HMCN1: variants seen among roughly 807,000 people sequenced by gnomAD.
The protein encoded by HMCN1 is hemicentin-1.
In HMCN1, 321 loss-of-function variants were observed where a neutral mutation model predicts 625.9. The observed-to-expected ratio is 0.51, with a 90% CI of 0.47 to 0.56. The LOEUF (loss-of-function observed/expected upper bound fraction) is 0.56, where lower values mean the gene tolerates loss of function less well. Among genes scored for constraint, HMCN1 ranks in the 20% least tolerant of loss-of-function variants. The pLI is 0.00. For missense variants in HMCN1, 6,588 were observed against 6,887.3 expected (o/e 0.96, Z 1.54); for synonymous variants, 2,425 against 2,417.6 (o/e 1.00, Z -0.09).
At chr1:185,775,855 G>C (rs563558744) in intron 1 of HMCN1, among the ~76,000 whole-genome samples, 5 of 152,280 alleles carry the variant, frequency 3.3e-5, no homozygotes, top group African/African-American at 1.2e-4. Context: ...GTGTTTATTG[G>C]GCTGGGATAG....
chr1:185,816,562 G>A (rs1659857051), intron 1 of HMCN1, among the ~76,000 whole-genome samples: 1 of 152,130 alleles, frequency 6.6e-6, no homozygotes, highest in Non-Finnish European at 1.5e-5. Flanking sequence ...ACGTTTTTAT[G>A]CTAATGTCAG....
intron 84 of HMCN1, 69 bp from the exon 85 acceptor site, chr1:186,130,438 A>C (rs1661869980): frequency 3.4e-6 from 5 of 1,483,992 alleles, no homozygotes; most frequent in Non-Finnish European, 4.7e-6. Context: ...TTTTCCAAAT[A>C]GGTCAAAGAT....
intron 1 of HMCN1, among the ~76,000 whole-genome samples, chr1:185,830,287 A>G (rs1660778374): frequency 6.6e-6 from 1 of 152,046 alleles, no homozygotes; most frequent in African/African-American, 2.4e-5. Flanking sequence ...TTTAGTTGCA[A>G]TTGCTTTTGG....
intron 63 of HMCN1, among the ~76,000 whole-genome samples, chr1:186,089,889 G>A (rs1422868718): frequency 6.6e-6 from 1 of 151,890 alleles, no homozygotes; most frequent in African/African-American, 2.4e-5. Flanking sequence ...AGCTTATTCA[G>A]TGATGTGCTG....
chr1:185,965,867 G>A lies in HMCN1; in HGVS notation c.2164G>A (p.Glu722Lys), dbSNP rs34692227. 738 of 1,611,882 alleles carry A rather than the reference G, an allele frequency of 4.6e-4. 7 individuals are homozygous for A. The highest frequency in any genetic ancestry group is 2.0e-3 in the Middle Eastern group (12 of 6,052). Reference sequence around the variant, plus strand: ...TGCCCTTGGGGATATAACCGTTATGGAATGCAAAACCTCTGGTATTCCTCC... The same window carrying A: ...TGCCCTTGGGGATATAACCGTTATGAAATGCAAAACCTCTGGTATTCCTCC... ...LVALGDITVMECKTSGIPPPQ... is the reference protein window; with the variant it reads ...LVALGDITVMKCKTSGIPPPQ... Residue 722 changes from glutamate (E) to lysine (K), a missense_variant, in exon 14 of 107, where the codon GAA becomes AAA. Physicochemically the swap from Glu to Lys is moderately conservative, Grantham distance 56 (BLOSUM62 1). Transcript: ENST00000271588.
chr1:186,117,654 T>C lies in HMCN1; in HGVS notation c.11848+31T>C, dbSNP rs1198886925. On this transcript the variant is annotated intron_variant, in intron 77 of 106. Coordinates refer to ENST00000271588, the MANE Select transcript of HMCN1 (RefSeq NM_031935.3). ...ACCAAGCTCAGTGATTTCACATCTA[T>C]TGATTGTATTATTTATTGATGCATA... is the stretch of plus-strand genomic sequence containing the variant. 2.5e-6 allele frequency: 4 copies of C among 1,595,986 alleles called. No homozygotes were observed. The South Asian group carries it at 3.3e-5, about 13-fold the overall frequency.
chr1:185,883,429 C>T (rs1356932824), intron 4 of HMCN1, among the ~76,000 whole-genome samples: 2 of 152,030 alleles, frequency 1.3e-5, no homozygotes, highest in Admixed American at 6.5e-5. Flanking sequence ...CCCTGTCATT[C>T]AGGCTGTTGA....
At chr1:185,914,166 T>C (rs2102460206) in intron 6 of HMCN1, among the ~76,000 whole-genome samples, 1 of 152,254 alleles carries the variant, frequency 6.6e-6, no homozygotes, top group South Asian at 2.1e-4. Flanking sequence ...TGCTTCTATA[T>C]GAAATACCAA....
At position 185,965,932 on chromosome 1, in the gene HMCN1, T is replaced by C. The variant is rs748998540; in HGVS notation, c.2212+17T>C. ...GGTTCAAAGGTACATTTCTTCAATATGTTTGTGTCTGGTTCACTTAGTTTT... is the reference window on the plus strand; with the variant it reads ...GGTTCAAAGGTACATTTCTTCAATACGTTTGTGTCTGGTTCACTTAGTTTT... On this transcript the variant is annotated intron_variant, in intron 14 of 106. Coordinates refer to ENST00000271588, the MANE Select transcript of HMCN1 (RefSeq NM_031935.3). 2.3e-6 allele frequency: 3 copies of C among 1,289,776 alleles called. No homozygotes were observed. Among genetic ancestry groups the C allele is most frequent in the Non-Finnish European group, 3.4e-6 (3 of 883,846 alleles). 79.9% of individuals were successfully genotyped at this position (1,289,776 alleles called of 1,614,324 possible).
chr1:185,784,373 C>T (rs1049458983), intron 1 of HMCN1, among the ~76,000 whole-genome samples: 7 of 152,120 alleles, frequency 4.6e-5, no homozygotes, highest in South Asian at 2.1e-4. Context: ...ACCCACTGTC[C>T]GACAAGCCCC....
chr1:185,886,864 A>G (rs1406123763), intron 4 of HMCN1, among the ~76,000 whole-genome samples: 1 of 152,122 alleles, frequency 6.6e-6, no homozygotes, highest in Non-Finnish European at 1.5e-5. Flanking sequence ...TGCCAGTTGA[A>G]TGGTGTCCAA....
In HMCN1 at chr1:185,768,816, G is replaced by T. The variant is rs1239428287; in HGVS notation, c.268+33769G>T. On this transcript the variant is annotated intron_variant, in intron 1 of 106. Transcript: ENST00000271588. Reference sequence around the variant, plus strand: ...AATTGTATTAATAATAATAATAAAAGAATGGGCCTGGAATCAGAAGACATG... The same window carrying T: ...AATTGTATTAATAATAATAATAAAATAATGGGCCTGGAATCAGAAGACATG... Among the ~76,000 whole-genome samples the T allele has an allele frequency of 2.0e-5, 3 of 152,206 alleles. No homozygotes were observed. The East Asian group carries it at 5.8e-4, about 29-fold the overall frequency.
chr1:185,860,568 C>G (rs142255592), intron 2 of HMCN1, among the ~76,000 whole-genome samples: 1 of 152,116 alleles, frequency 6.6e-6, no homozygotes, highest in Non-Finnish European at 1.5e-5. Context: ...CCTCAGCCCC[C>G]CAAGTAGCTG....
chr1:185,978,543 G>A lies in HMCN1; in HGVS notation c.2566+562G>A, dbSNP rs193277314. On this transcript the variant is annotated intron_variant, in intron 16 of 106. Transcript: ENST00000271588. ...CTTCTATTTTTTCAAATAATGCTAA[G>A]AATAATTGCATGGTGTTACCAGAGG... Among the ~76,000 whole-genome samples, 225 of 152,184 alleles carry A rather than the reference G, an allele frequency of 1.5e-3. 1 individual carries two copies. Among genetic ancestry groups the A allele is most frequent in the Middle Eastern group, 3.4e-3 (1 of 294 alleles).
At chr1:185,803,204 G>GAAAAAAAAAAAAAAAAAAAAAAAAAA (rs1557981375) in intron 1 of HMCN1, among the ~76,000 whole-genome samples, 7 of 23,710 alleles carry the variant, frequency 3.0e-4, no homozygotes, top group East Asian at 2.5e-3. Context: ...AAAAAAAAAA[G>GAAAAAAAAAAAAAAAAAAAAAAAAAA]CAAAAAAAAA....
intron 4 of HMCN1, among the ~76,000 whole-genome samples, chr1:185,881,735 T>C (rs77316413): frequency 6.6e-6 from 1 of 152,356 alleles, no homozygotes; most frequent in East Asian, 1.9e-4. Context: ...CATATGAATT[T>C]AGACAAAGTC....
intron 11 of HMCN1, among the ~76,000 whole-genome samples, chr1:185,943,484 T>C (rs896117110): frequency 6.6e-6 from 1 of 152,132 alleles, no homozygotes; most frequent in African/African-American, 2.4e-5. Flanking sequence ...TGTTGAGTGG[T>C]ATTAGAGTAG....
chr1:185,940,570 G>T (rs2102510057), intron 11 of HMCN1, among the ~76,000 whole-genome samples: 1 of 152,184 alleles, frequency 6.6e-6, no homozygotes, highest in South Asian at 2.1e-4. Context: ...TTCCATCTTT[G>T]TGCAAACTTG....
At chr1:186,104,369 T>C (rs1209121541) in intron 69 of HMCN1, among the ~76,000 whole-genome samples, 1 of 152,174 alleles carries the variant, frequency 6.6e-6, no homozygotes, top group Non-Finnish European at 1.5e-5. Flanking sequence ...AGGCATGTAG[T>C]AAATGCTTTC....
Sources: gnomAD v4.1 joint callset for allele counts (sites outside exome capture counted in the v4.1 genomes callset) on GRCh38, gnomAD v4.1.1 for gene constraint, MANE v1.5 for transcripts, NCBI Gene and HGNC (gene_info 2026-07-23, HGNC 2026-07-21) for gene names.